AK9: variants seen among roughly 807,000 people sequenced by gnomAD.
The protein encoded by AK9 is adenylate kinase domain containing 1.
AK9 carries 191 observed loss-of-function variants against 239.6 expected under a neutral mutation model. The ratio of observed to expected loss-of-function variants is 0.80; its 90% CI spans 0.71 to 0.90. The LOEUF (loss-of-function observed/expected upper bound fraction) is 0.90. Among genes scored for constraint, AK9 ranks in the 40% least tolerant of loss-of-function variants. The pLI, the probability that AK9 is intolerant of heterozygous loss-of-function variation, is 0.00. For missense variants in AK9, 1,995 were observed against 2,214.7 expected (o/e 0.90, Z 1.99); for synonymous variants, 689 against 721.0 (o/e 0.96, Z 0.71).
At chr6:109,602,208 G>T (rs1487251186) in intron 17 of AK9, among the ~76,000 whole-genome samples, 8 of 152,160 alleles carry the variant, frequency 5.3e-5, no homozygotes, top group Non-Finnish European at 1.2e-4. Flanking sequence ...GCAGTGGCTG[G>T]TACTGGTTGT....
At chr6:109,564,312 G>A (rs767218172) in intron 22 of AK9, 32 bp from the exon 23 acceptor site, 6 of 1,494,358 alleles carry the variant, frequency 4.0e-6, no homozygotes, top group Non-Finnish European at 5.4e-6. Context: ...AAAGAAAAAA[G>A]GGGCTTTAAA....
chr6:109,616,787 C>T (rs1377506462), intron 13 of AK9, among the ~76,000 whole-genome samples: 1 of 152,006 alleles, frequency 6.6e-6, no homozygotes, highest in Non-Finnish European at 1.5e-5. Context: ...CACTATTTGA[C>T]ATTCTAGAAT....
At chr6:109,605,736 G>A (rs1252952977) in intron 17 of AK9, among the ~76,000 whole-genome samples, 1 of 152,174 alleles carries the variant, frequency 6.6e-6, no homozygotes, top group East Asian at 1.9e-4. Context: ...CAAAGCTGAG[G>A]TGAGGAAAGG....
chr6:109,680,496 G>A (rs1326518684), intron 1 of AK9, among the ~76,000 whole-genome samples: 1 of 152,206 alleles, frequency 6.6e-6, no homozygotes, highest in African/African-American at 2.4e-5. Context: ...ACCTGAAAGT[G>A]ATGAGGAGAA....
intron 17 of AK9, among the ~76,000 whole-genome samples, chr6:109,588,077 C>CT (rs945491858): frequency 2.0e-3 from 286 of 146,328 alleles, no homozygotes; most frequent in Admixed American, 3.5e-3. Flanking sequence ...TTGCTGCCTT[C>CT]TTTTTTTTTT....
At chr6:109,574,181 T>C (rs532957773) in intron 20 of AK9, among the ~76,000 whole-genome samples, 1 of 152,328 alleles carries the variant, frequency 6.6e-6, no homozygotes, top group Non-Finnish European at 1.5e-5. Context: ...ATAAATCATG[T>C]AGTATATTAA....
chr6:109,600,243 A>G (rs568267493), intron 17 of AK9, among the ~76,000 whole-genome samples: 1 of 152,260 alleles, frequency 6.6e-6, no homozygotes, highest in East Asian at 1.9e-4. Context: ...TTATTTTGAG[A>G]TACGTCCCAT....
chr6:109,657,549 CTTT>C (rs374142932), intron 7 of AK9, among the ~76,000 whole-genome samples: 3 of 145,096 alleles, frequency 2.1e-5, no homozygotes, highest in Non-Finnish European at 3.0e-5. Context: ...AAGTTTCTTT[CTTT>C]TTTTTTTTTA....
chr6:109,614,597 T>C (rs1010543189), intron 13 of AK9, 117 bp from the exon 14 acceptor site: 2 of 775,926 alleles, frequency 2.6e-6, no homozygotes, highest in African/African-American at 1.7e-5. Context: ...TTCTGACTTA[T>C]AAGCTGTAAG....
At chr6:109,573,704 C>T in intron 20 of AK9, 110 bp from the exon 21 acceptor site, 1 of 1,040,398 alleles carries the variant, frequency 9.6e-7, no homozygotes, top group Non-Finnish European at 1.3e-6. Context: ...TCCCTGCCCT[C>T]CTAGAGTATG....
chr6:109,566,760 T>C (rs1162882881), intron 21 of AK9, among the ~76,000 whole-genome samples: 2 of 151,892 alleles, frequency 1.3e-5, no homozygotes, highest in Non-Finnish European at 2.9e-5. Context: ...AAACCACCTA[T>C]AGGGATGAAG....
At position 109,565,313 on chromosome 6, in the gene AK9, C is replaced by CA. The variant is rs368465671; in HGVS notation, c.2345-469dup. ...GCAACACAGCAAGACCACATCCCTACAAAAAATAAAAATTAGCCAGGCATG... is the reference window on the plus strand; with the variant it reads ...GCAACACAGCAAGACCACATCCCTACAAAAAAATAAAAATTAGCCAGGCATG... On this transcript the variant is annotated intron_variant, in intron 21 of 40. Coordinates refer to ENST00000424296, the MANE Select transcript of AK9 (RefSeq NM_001145128.3). Among the ~76,000 whole-genome samples, 106 of 151,992 alleles carry CA rather than the reference C, an allele frequency of 7.0e-4. No homozygotes were observed. In the East Asian group the frequency reaches 0.014, roughly 20 times the overall value.
intron 29 of AK9, chr6:109,528,141 T>G (rs1338558819): frequency 4.0e-6 from 1 of 249,014 alleles, no homozygotes; most frequent in Non-Finnish European, 8.0e-6. Flanking sequence ...TGTGTTTAAC[T>G]GCAAAGCCTG....
chr6:109,639,986 T>C (rs1797196273), intron 10 of AK9, among the ~76,000 whole-genome samples: 1 of 152,192 alleles, frequency 6.6e-6, no homozygotes, highest in Non-Finnish European at 1.5e-5. Flanking sequence ...TCTGAGGCCT[T>C]TGTTCTGATC....
At chr6:109,680,162 A>G (rs1178810902) in intron 1 of AK9, among the ~76,000 whole-genome samples, 1 of 152,192 alleles carries the variant, frequency 6.6e-6, no homozygotes, top group African/African-American at 2.4e-5. Context: ...CCTCCGAGCT[A>G]AAGGAGCATG....
At chr6:109,548,689 T>A (rs978721577) in intron 25 of AK9, among the ~76,000 whole-genome samples, 1 of 152,172 alleles carries the variant, frequency 6.6e-6, no homozygotes, top group Non-Finnish European at 1.5e-5. Context: ...ACTGAAAAAT[T>A]AAAGTTGAAA....
chr6:109,563,962 A>G (rs1289428166), intron 23 of AK9, 118 bp downstream of exon 23: 105 of 1,129,772 alleles, frequency 9.3e-5, no homozygotes, highest in Non-Finnish European at 4.9e-6. Context: ...TTTATACATC[A>G]GCCTTGGATA....
intron 20 of AK9, among the ~76,000 whole-genome samples, chr6:109,575,035 A>T (rs775610934): frequency 2.7e-4 from 41 of 152,292 alleles, no homozygotes; most frequent in Non-Finnish European, 5.0e-4. Flanking sequence ...AAAAACCATT[A>T]TTTCATTCCT....
chr6:109,499,956 G>A (rs1248861994), intron 35 of AK9, among the ~76,000 whole-genome samples: 1 of 150,640 alleles, frequency 6.6e-6, no homozygotes, highest in Non-Finnish European at 1.5e-5. Flanking sequence ...AAACATACAT[G>A]TAGTTTACTC....
Sources: allele counts gnomAD v4.1 joint callset (sites outside exome capture counted in the v4.1 genomes callset), GRCh38; gene constraint gnomAD v4.1.1; transcripts MANE v1.5; gene names NCBI Gene and HGNC (gene_info 2026-07-23, HGNC 2026-07-21).